GNAQ: variants seen among roughly 807,000 people sequenced by gnomAD.
GNAQ encodes the protein guanine nucleotide-binding protein G(q) subunit alpha.
In GNAQ, 8 loss-of-function variants were observed where a neutral mutation model predicts 43.9. That is an observed-to-expected ratio of 0.18 (90% CI 0.11 to 0.33). The LOEUF (loss-of-function observed/expected upper bound fraction) is 0.33. Ranked by LOEUF, GNAQ falls within the 10% of genes least tolerant of loss-of-function variation. The pLI is 1.00. For missense variants in GNAQ, 158 were observed against 450.8 expected (o/e 0.35, Z 5.88); for synonymous variants, 155 against 170.7 (o/e 0.91, Z 0.71).
chr9:78,008,611 TTTC>T lies in GNAQ; in HGVS notation c.136+22486_136+22488del, dbSNP rs1564177016. ...TTTCATTTCATTTCATTTCATTTCA[TTTC>T]ATTTCATTTTATTTTATTTTTTGAG... is the stretch of plus-strand genomic sequence containing the variant. On this transcript the variant is annotated intron_variant, in intron 1 of 6. Coordinates refer to ENST00000286548, the MANE Select transcript of GNAQ (RefSeq NM_002072.5). 7.7e-3 allele frequency among the ~76,000 whole-genome samples: 1,125 copies of T among 146,164 alleles called. 13 individuals carry two copies. Among genetic ancestry groups the T allele is most frequent in the African/African-American group, 0.03 (1,064 of 35,952 alleles).
chr9:77,858,146 A>C (rs1270697148), intron 2 of GNAQ, among the ~76,000 whole-genome samples: 1 of 152,122 alleles, frequency 6.6e-6, no homozygotes, highest in African/African-American at 2.4e-5. Context: ...CATGAGGAGT[A>C]TCTAGGATTT....
chr9:77,757,417 C>T (rs1825921448), intron 5 of GNAQ, among the ~76,000 whole-genome samples: 1 of 152,140 alleles, frequency 6.6e-6, no homozygotes, highest in Admixed American at 6.5e-5. Flanking sequence ...CATGTATTTC[C>T]ACCATTACGC....
At chr9:77,767,001 T>G (rs982156252) in intron 5 of GNAQ, among the ~76,000 whole-genome samples, 1 of 152,122 alleles carries the variant, frequency 6.6e-6, no homozygotes, top group Non-Finnish European at 1.5e-5. Flanking sequence ...AAAACCTACA[T>G]TTGGAAAGAG....
intron 5 of GNAQ, among the ~76,000 whole-genome samples, chr9:77,788,360 GA>G (rs1476501159): frequency 6.6e-6 from 1 of 151,710 alleles, no homozygotes; most frequent in African/African-American, 2.4e-5. Context: ...GTAGCAACAT[GA>G]AAAAAAATCT....
At chr9:77,981,842 A>AT (rs1823372587) in intron 1 of GNAQ, among the ~76,000 whole-genome samples, 1 of 152,178 alleles carries the variant, frequency 6.6e-6, no homozygotes, top group South Asian at 2.1e-4. Flanking sequence ...CTGCTGCTCA[A>AT]TTTTACCTTG....
At chr9:77,794,040 C>T (rs1406487760) in intron 5 of GNAQ, among the ~76,000 whole-genome samples, 2 of 151,958 alleles carry the variant, frequency 1.3e-5, no homozygotes, top group Non-Finnish European at 2.9e-5. Flanking sequence ...TCACATTTGC[C>T]AAGAGAGATT....
intron 1 of GNAQ, among the ~76,000 whole-genome samples, chr9:78,008,113 C>T (rs191207314): frequency 6.6e-6 from 1 of 152,368 alleles, no homozygotes; most frequent in Non-Finnish European, 1.5e-5. Flanking sequence ...ACAAGCAACA[C>T]TCACAATAAG....
chr9:77,767,629 C>T (rs1013367425), intron 5 of GNAQ, among the ~76,000 whole-genome samples: 4 of 152,126 alleles, frequency 2.6e-5, no homozygotes, highest in South Asian at 2.1e-4. Flanking sequence ...TAGTGCAATT[C>T]GATAAAATGG....
chr9:77,837,384 C>G (rs1323359575), intron 2 of GNAQ, among the ~76,000 whole-genome samples: 1 of 151,920 alleles, frequency 6.6e-6, no homozygotes, highest in African/African-American at 2.4e-5. Flanking sequence ...AGACCCCCGT[C>G]TCTACTAGAA....
chr9:78,008,191 G>A (rs1336697879), intron 1 of GNAQ, among the ~76,000 whole-genome samples: 1 of 152,224 alleles, frequency 6.6e-6, no homozygotes, highest in Admixed American at 6.5e-5. Flanking sequence ...CTACACAGGT[G>A]GGGGAAAGAT....
At chr9:77,878,452 G>A (rs1828160667) in intron 2 of GNAQ, among the ~76,000 whole-genome samples, 1 of 151,934 alleles carries the variant, frequency 6.6e-6, no homozygotes, top group South Asian at 2.1e-4. Flanking sequence ...TCTCTAAGAC[G>A]ATCATATCAC....
chr9:77,823,221 G>A (rs1439365603), intron 2 of GNAQ, among the ~76,000 whole-genome samples: 1 of 152,116 alleles, frequency 6.6e-6, no homozygotes, highest in Non-Finnish European at 1.5e-5. Flanking sequence ...TTACAGGCGT[G>A]AGCCACCACG....
intron 1 of GNAQ, among the ~76,000 whole-genome samples, chr9:77,971,539 T>C (rs563362779): frequency 6.6e-6 from 1 of 152,268 alleles, no homozygotes; most frequent in East Asian, 1.9e-4. Context: ...CACATGATCG[T>C]CTCAATAGAT....
At chr9:77,733,566 C>T (rs1335078447) in intron 5 of GNAQ, among the ~76,000 whole-genome samples, 1 of 152,174 alleles carries the variant, frequency 6.6e-6, no homozygotes, top group Admixed American at 6.5e-5. Flanking sequence ...CCCAACTTCC[C>T]CAAGCAGTTC....
At chr9:78,008,090 G>C (rs780329240) in intron 1 of GNAQ, among the ~76,000 whole-genome samples, 3 of 152,180 alleles carry the variant, frequency 2.0e-5, no homozygotes, top group Non-Finnish European at 4.4e-5. Context: ...TAAATTTAGT[G>C]ACAACACTGC....
intron 1 of GNAQ, among the ~76,000 whole-genome samples, chr9:77,938,609 T>G (rs1332126155): frequency 1.3e-5 from 2 of 152,158 alleles, no homozygotes; most frequent in African/African-American, 2.4e-5. Flanking sequence ...AGGTTGTGGC[T>G]GTAGTCTGTG....
intron 2 of GNAQ, among the ~76,000 whole-genome samples, chr9:77,883,147 A>G (rs966019155): frequency 6.6e-6 from 1 of 152,200 alleles, no homozygotes; most frequent in Admixed American, 6.5e-5. Flanking sequence ...AAGTAGGGAC[A>G]TGTTCCAGCA....
intron 1 of GNAQ, among the ~76,000 whole-genome samples, chr9:77,980,835 T>G (rs1021969814): frequency 2.6e-5 from 4 of 152,216 alleles, no homozygotes; most frequent in Non-Finnish European, 1.5e-5. Flanking sequence ...CATAGAAACA[T>G]GATGTCACTA....
chr9:77,864,782 G>T, intron 2 of GNAQ, among the ~76,000 whole-genome samples: 1 of 152,274 alleles, frequency 6.6e-6, no homozygotes, highest in Admixed American at 6.5e-5. Context: ...AGCAGCAATA[G>T]GAAATGAACA....
Sources: allele counts gnomAD v4.1 joint callset (sites outside exome capture counted in the v4.1 genomes callset), GRCh38; gene constraint gnomAD v4.1.1; transcripts MANE v1.5; gene names NCBI Gene and HGNC (gene_info 2026-07-23, HGNC 2026-07-21).